The following RELN variants were observed in gnomAD, a reference collection of about 807,000 sequenced individuals.
The protein encoded by RELN is reelin.
RELN carries 108 observed loss-of-function variants against 427.6 expected under a neutral mutation model. The ratio of observed to expected loss-of-function variants is 0.25; its 90% CI spans 0.22 to 0.30. The LOEUF (loss-of-function observed/expected upper bound fraction) is 0.30, where lower values mean the gene tolerates loss of function less well. RELN is among the 10% of genes least tolerant of loss of function. The probability of loss-of-function intolerance (pLI) is 1.00; values close to 1 mark genes in which losing one functional copy is unlikely to be tolerated. For synonymous variants in RELN, 1,524 were observed against 1,513.4 expected (o/e 1.01, Z -0.16); for missense variants, 3,715 against 4,302.8 (o/e 0.86, Z 3.82).
intron 3 of RELN, among the ~76,000 whole-genome samples, chr7:103,777,861 C>T (rs1232167760): frequency 1.4e-5 from 2 of 138,086 alleles, no homozygotes; most frequent in Non-Finnish European, 3.1e-5. Flanking sequence ...TAACATATTT[C>T]AGCAGTGAAA....
chr7:103,504,916 G>A (rs867101404), intron 51 of RELN, among the ~76,000 whole-genome samples: 8 of 152,158 alleles, frequency 5.3e-5, no homozygotes, highest in African/African-American at 9.7e-5. Context: ...CATTACTGAG[G>A]CTTGAGTAGG....
intron 1 of RELN, among the ~76,000 whole-genome samples, chr7:103,926,097 GC>G (rs1361031138): frequency 8.7e-5 from 6 of 68,860 alleles, no homozygotes; most frequent in Admixed American, 1.5e-4. Context: ...CCCCCACCCC[GC>G]CTTTTTTTTT....
At chr7:103,647,490 C>A (rs1832820994) in intron 16 of RELN, among the ~76,000 whole-genome samples, 2 of 150,750 alleles carry the variant, frequency 1.3e-5, no homozygotes, top group Non-Finnish European at 1.5e-5. Flanking sequence ...ATACATTTAC[C>A]CAAGGTGGTG....
At chr7:103,734,588 A>G (rs1790444663) in intron 6 of RELN, among the ~76,000 whole-genome samples, 1 of 152,194 alleles carries the variant, frequency 6.6e-6, no homozygotes, top group Non-Finnish European at 1.5e-5. Context: ...TCACATGCTT[A>G]GGTTCCACAT....
intron 4 of RELN, among the ~76,000 whole-genome samples, chr7:103,771,369 T>C (rs778428032): frequency 6.6e-6 from 1 of 152,066 alleles, no homozygotes; most frequent in Non-Finnish European, 1.5e-5. Flanking sequence ...CAGAGTTCCC[T>C]CTTCTTCCCA....
intron 6 of RELN, among the ~76,000 whole-genome samples, chr7:103,745,415 G>C (rs1790794211): frequency 6.6e-6 from 1 of 150,442 alleles, no homozygotes; most frequent in Non-Finnish European, 1.5e-5. Context: ...GTTCTGGCCA[G>C]GGCAATTAGG....
At chr7:103,491,823 GTCTCTCTCTCTCTC>G (rs60846683) in intron 58 of RELN, 116 bp downstream of exon 58, 26 of 429,088 alleles carry the variant, frequency 6.1e-5, no homozygotes, top group Admixed American at 2.0e-4. Flanking sequence ...GAGCGAAACT[GTCTCTCTCTCTCTC>G]TCTCTCTCTC....
intron 48 of RELN, 144 bp downstream of exon 48, chr7:103,521,877 TA>T (rs1471305643): frequency 6.6e-6 from 5 of 752,532 alleles, no homozygotes; most frequent in Non-Finnish European, 1.2e-5. Context: ...AAGATTTGTA[TA>T]AAGTTGCAAG....
At chr7:103,899,510 T>C (rs1278644499) in intron 2 of RELN, among the ~76,000 whole-genome samples, 1 of 152,100 alleles carries the variant, frequency 6.6e-6, no homozygotes, top group East Asian at 1.9e-4. Context: ...TTCAGGCCAA[T>C]ATCCCTGATG....
At chr7:103,714,087 A>G (rs183633212) in intron 8 of RELN, among the ~76,000 whole-genome samples, 177 of 152,292 alleles carry the variant, frequency 1.2e-3, no homozygotes, top group Non-Finnish European at 2.1e-3. Context: ...AATTTCCAGG[A>G]TGGCTGGTTT....
At chr7:103,873,174 C>T (rs1282817867) in intron 2 of RELN, among the ~76,000 whole-genome samples, 2 of 149,478 alleles carry the variant, frequency 1.3e-5, no homozygotes, top group African/African-American at 2.4e-5. Flanking sequence ...AAAGACACAA[C>T]ATACCAGAAT....
chr7:103,792,882 T>A (rs1276191384), intron 3 of RELN, among the ~76,000 whole-genome samples: 2 of 152,152 alleles, frequency 1.3e-5, no homozygotes, highest in Non-Finnish European at 2.9e-5. Flanking sequence ...ATAATAATAC[T>A]GGGGACAGTC....
At chr7:103,581,722 CTT>C (rs1365277484) in intron 28 of RELN, among the ~76,000 whole-genome samples, 1 of 151,990 alleles carries the variant, frequency 6.6e-6, no homozygotes, top group Non-Finnish European at 1.5e-5. Flanking sequence ...TTGTGACTTG[CTT>C]TGACCAAAAG....
chr7:103,776,854 T>C (rs1791755630), intron 3 of RELN, among the ~76,000 whole-genome samples: 1 of 152,138 alleles, frequency 6.6e-6, no homozygotes, highest in African/African-American at 2.4e-5. Context: ...ACTGTAACAG[T>C]TGTGAGCTTG....
intron 58 of RELN, 97 bp downstream of exon 58, chr7:103,491,856 T>TCTCACACACACACACACACACACACACA: frequency 3.5e-6 from 1 of 284,944 alleles, no homozygotes; most frequent in Admixed American, 4.5e-5. Flanking sequence ...TCTCTCTCTC[T>TCTCACACACACACACACACACACACACA]CACACACACA....
rs1239164551 is a variant in RELN, at chr7:103,833,595, T to C, written c.415A>G (p.Thr139Ala). Residue 139 changes from threonine to alanine, a missense_variant, in exon 3 of 65, where the codon ACC becomes GCC. Coordinates refer to ENST00000428762, the MANE Select transcript of RELN (RefSeq NM_005045.4). ...VASHVSHLPT[T>A]NLSFIWIAPP... ...GCAATCCAGATGAAACTGAGGTTGG[T>C]TGTGGGCAGGTGACTCACGTGAGAG... The C allele has an allele frequency of 2.0e-5, 32 of 1,613,882 alleles. No homozygotes were observed. Among genetic ancestry groups the C allele is most frequent in the Admixed American group, 5.0e-5 (3 of 59,988 alleles).
chr7:103,891,086 A>G (rs914794167), intron 2 of RELN, among the ~76,000 whole-genome samples: 1 of 152,128 alleles, frequency 6.6e-6, no homozygotes, highest in Non-Finnish European at 1.5e-5. Context: ...TGTCTCAAAA[A>G]AACAAAACAA....
At position 103,515,177 on chromosome 7, in the gene RELN, T is replaced by C. The variant is rs1292687370; in HGVS notation, c.8119+8A>G. 2.5e-6 allele frequency: 4 copies of C among 1,614,012 alleles called. No homozygotes were observed. Among genetic ancestry groups the C allele is most frequent in the Admixed American group, 1.7e-5 (1 of 60,000 alleles). ...TGGGCTTTTTATTTAGCGCTGTGCA[T>C]AATTTACCTGAAGTTTTGTCTTCCA... On this transcript the variant is annotated splice_region_variant and intron_variant, in intron 50 of 64. Transcript: ENST00000428762.
rs1329760599 is a variant in RELN at position 103,573,041 on chromosome 7, C to T, written c.4512-781G>A. On this transcript the variant is annotated intron_variant, in intron 30 of 64. Transcript: ENST00000428762. This position sits in a 1 kb window ranked among gnomAD's most constrained non-coding sequence, Gnocchi z 4.4. Reference sequence around the variant, plus strand: ...TCAACCTCTGCCTCTTGGGCCCAAGCGATCCTCCTGCCTCAGCCTCCTGAG... The same window carrying T: ...TCAACCTCTGCCTCTTGGGCCCAAGTGATCCTCCTGCCTCAGCCTCCTGAG... Among the ~76,000 whole-genome samples, 4 of 152,148 alleles carry T rather than the reference C, an allele frequency of 2.6e-5. No individual in the cohort carries two copies. Among genetic ancestry groups the T allele is most frequent in the Non-Finnish European group, 4.4e-5 (3 of 68,020 alleles).
Sources: gnomAD v4.1 joint callset for allele counts (sites outside exome capture counted in the v4.1 genomes callset) on GRCh38, gnomAD v4.1.1 for gene constraint, Gnocchi (gnomAD v3.1) non-coding constraint, MANE v1.5 for transcripts, NCBI Gene and HGNC (gene_info 2026-07-23, HGNC 2026-07-21) for gene names.